The following SPECC1 variants were observed in gnomAD, a reference collection of about 807,000 sequenced individuals.
SPECC1 encodes sperm antigen with calponin homology and coiled-coil domains 1.
A neutral mutation model predicts 104.1 loss-of-function variants in SPECC1; 62 were observed. The observed-to-expected ratio is 0.60, with a 90% CI of 0.49 to 0.74. The LOEUF is 0.74. Ranked by LOEUF, SPECC1 falls within the 30% of genes least tolerant of loss-of-function variation. The probability of loss-of-function intolerance (pLI) is 0.00; values close to 1 mark genes in which losing one functional copy is unlikely to be tolerated. For missense variants in SPECC1, 1,306 were observed against 1,310.5 expected (o/e 1.00, Z 0.05); for synonymous variants, 513 against 501.6 (o/e 1.02, Z -0.30).
At chr17:20,208,086 A>G (rs1567942014) in intron 4 of SPECC1, among the ~76,000 whole-genome samples, 1 of 152,250 alleles carries the variant, frequency 6.6e-6, no homozygotes, top group Non-Finnish European at 1.5e-5. Context: ...TGTAATTTAA[A>G]GGAAAGTGTG....
intron 1 of SPECC1, among the ~76,000 whole-genome samples, chr17:20,016,232 A>T (rs1216278179): frequency 6.6e-6 from 1 of 151,670 alleles, no homozygotes; most frequent in African/African-American, 2.4e-5. Flanking sequence ...AAAAAAAAAA[A>T]AAATAGGTAA....
At chr17:20,156,499 G>A (rs746225116) in intron 3 of SPECC1, among the ~76,000 whole-genome samples, 1 of 152,180 alleles carries the variant, frequency 6.6e-6, no homozygotes, top group Non-Finnish European at 1.5e-5. Flanking sequence ...CCCTGCCGCG[G>A]GGTTCCCCAC....
At chr17:20,288,333 G>T (rs1567609470) in intron 12 of SPECC1, among the ~76,000 whole-genome samples, 1 of 152,006 alleles carries the variant, frequency 6.6e-6, no homozygotes, top group Non-Finnish European at 1.5e-5. Flanking sequence ...TGGGTCAAAT[G>T]GTTTTTCTTC....
At chr17:20,244,599 A>G (rs1339740933) in intron 7 of SPECC1, among the ~76,000 whole-genome samples, 1 of 152,156 alleles carries the variant, frequency 6.6e-6, no homozygotes, top group Non-Finnish European at 1.5e-5. Context: ...CATGTTATTT[A>G]CAGAGCAACA....
intron 3 of SPECC1, among the ~76,000 whole-genome samples, chr17:20,157,215 C>T (rs374980918): frequency 1.3e-5 from 2 of 152,274 alleles, no homozygotes; most frequent in African/African-American, 2.4e-5. Flanking sequence ...GCCCCAGCCG[C>T]CCCACCTTGG....
At chr17:20,098,748 C>T (rs2047775721) in intron 2 of SPECC1, among the ~76,000 whole-genome samples, 1 of 152,232 alleles carries the variant, frequency 6.6e-6, no homozygotes. Flanking sequence ...CTCCATCCTC[C>T]TCCTCCTGCT....
chr17:20,153,331 A>G (rs1382898273), intron 3 of SPECC1, among the ~76,000 whole-genome samples: 1 of 152,222 alleles, frequency 6.6e-6, no homozygotes, highest in East Asian at 1.9e-4. Context: ...GGTGGAGCAC[A>G]TGATTATGAA....
At chr17:20,116,081 A>G (rs1245886485) in intron 3 of SPECC1, among the ~76,000 whole-genome samples, 3 of 151,670 alleles carry the variant, frequency 2.0e-5, no homozygotes, top group African/African-American at 7.3e-5. Context: ...TTTCTTTTTT[A>G]TTTATTTTAT....
At chr17:20,165,989 G>A (rs2033617521) in intron 3 of SPECC1, among the ~76,000 whole-genome samples, 1 of 152,082 alleles carries the variant, frequency 6.6e-6, no homozygotes, top group African/African-American at 2.4e-5. Flanking sequence ...CATTCTGTAG[G>A]TAGCAGTATC....
chr17:20,220,832 AT>A (rs1224989836), intron 4 of SPECC1, among the ~76,000 whole-genome samples: 1 of 152,094 alleles, frequency 6.6e-6, no homozygotes, highest in African/African-American at 2.4e-5. Flanking sequence ...TATGGCTTTT[AT>A]TATGTTGAGA....
chr17:20,103,066 G>A (rs995439396), intron 2 of SPECC1, among the ~76,000 whole-genome samples: 2 of 152,166 alleles, frequency 1.3e-5, no homozygotes, highest in African/African-American at 4.8e-5. Context: ...GCAGAGCCAG[G>A]ATTCAGACCC....
At chr17:20,186,012 A>G (rs941040149) in intron 3 of SPECC1, among the ~76,000 whole-genome samples, 2 of 151,974 alleles carry the variant, frequency 1.3e-5, no homozygotes, top group Admixed American at 1.3e-4. Context: ...TAATTTTGGT[A>G]TTTTTAGTAG....
intron 7 of SPECC1, among the ~76,000 whole-genome samples, chr17:20,242,635 A>G (rs2039253284): frequency 6.6e-6 from 1 of 152,224 alleles, no homozygotes; most frequent in South Asian, 2.1e-4. Context: ...AGGAAGAAAT[A>G]CCATCAGTAT....
At chr17:20,061,984 G>A (rs537110973) in intron 1 of SPECC1, among the ~76,000 whole-genome samples, 5 of 152,150 alleles carry the variant, frequency 3.3e-5, no homozygotes, top group African/African-American at 9.6e-5. Flanking sequence ...TTGTGGCCGG[G>A]CACGGTGGCT....
chr17:20,276,350 G>C (rs1404135910), intron 12 of SPECC1, among the ~76,000 whole-genome samples: 4 of 152,160 alleles, frequency 2.6e-5, no homozygotes, highest in African/African-American at 9.7e-5. Flanking sequence ...GAACTCCTGG[G>C]CTGAAGAGAT....
At chr17:20,054,519 A>C (rs1284141350) in intron 1 of SPECC1, among the ~76,000 whole-genome samples, 2 of 152,032 alleles carry the variant, frequency 1.3e-5, no homozygotes, top group Non-Finnish European at 1.5e-5. Context: ...TACCTGTGTA[A>C]TTGCTGTGAT....
At chr17:20,068,336 G>A (rs1270414726) in intron 1 of SPECC1, among the ~76,000 whole-genome samples, 1 of 152,134 alleles carries the variant, frequency 6.6e-6, no homozygotes. Context: ...TTTTACTGAT[G>A]GATAATATTT....
chr17:20,307,146 A>C (rs1243991657), intron 14 of SPECC1, among the ~76,000 whole-genome samples: 2 of 152,254 alleles, frequency 1.3e-5, no homozygotes, highest in African/African-American at 2.4e-5. Context: ...GATCACCCAA[A>C]ATATAAAAGA....
chr17:20,290,762 C>T (rs1238377957), intron 12 of SPECC1, among the ~76,000 whole-genome samples: 1 of 152,156 alleles, frequency 6.6e-6, no homozygotes, highest in African/African-American at 2.4e-5. Context: ...AGTGATCTGC[C>T]CACCTTGGCC....
Sources: allele counts gnomAD v4.1 joint callset (sites outside exome capture counted in the v4.1 genomes callset), GRCh38; gene constraint gnomAD v4.1.1; transcripts MANE v1.5; gene names NCBI Gene and HGNC (gene_info 2026-07-23, HGNC 2026-07-21).